Variants in ACSS3 observed in about 807,000 individuals in gnomAD.
ACSS3 encodes acyl-CoA synthetase short chain family member 3.
ACSS3 carries 64 observed loss-of-function variants against 84.2 expected under a neutral mutation model. The ratio of observed to expected loss-of-function variants is 0.76; its 90% CI spans 0.62 to 0.94. The LOEUF is 0.94. Among genes scored for constraint, ACSS3 ranks in the 40% least tolerant of loss-of-function variants. The pLI is 0.00. For synonymous variants in ACSS3, 317 were observed against 310.1 expected (o/e 1.02, Z -0.23); for missense variants, 815 against 867.6 (o/e 0.94, Z 0.76).
intron 15 of ACSS3, among the ~76,000 whole-genome samples, chr12:81,254,039 A>T (rs1055589645): frequency 6.6e-6 from 1 of 152,202 alleles, no homozygotes; most frequent in Non-Finnish European, 1.5e-5. Context: ...ATCCTCTCAC[A>T]TCAGTCTCAT....
At chr12:81,184,156 A>G (rs1753271260) in intron 8 of ACSS3, among the ~76,000 whole-genome samples, 1 of 152,030 alleles carries the variant, frequency 6.6e-6, no homozygotes, top group African/African-American at 2.4e-5. Flanking sequence ...TAGTTCACAA[A>G]TATGTGGAAA....
intron 11 of ACSS3, among the ~76,000 whole-genome samples, chr12:81,226,299 C>G (rs2033268372): frequency 6.7e-6 from 1 of 149,510 alleles, no homozygotes; most frequent in African/African-American, 2.4e-5. Context: ...CATAATATCT[C>G]TGATTTTCTT....
intron 1 of ACSS3, chr12:81,094,494 C>A (rs538845637): frequency 6.6e-6 from 1 of 152,238 alleles, no homozygotes; most frequent in South Asian, 2.1e-4. Context: ...TTTACAGAAA[C>A]AATCTTAGAA....
intron 9 of ACSS3, among the ~76,000 whole-genome samples, chr12:81,203,173 T>C (rs375097443): frequency 9.2e-5 from 14 of 151,894 alleles, no homozygotes; most frequent in African/African-American, 3.1e-4. Context: ...GAGCCTGGAG[T>C]TGTTGTCCAG....
Position 81,255,087 on chromosome 12 carries a change from C to A in ACSS3, c.*165C>A. The A allele has an allele frequency of 1.6e-6, 1 of 627,646 alleles. No individual in the cohort carries two copies. The highest frequency in any genetic ancestry group is 2.5e-6 in the Non-Finnish European group (1 of 393,834). The allele number at this position is 627,646 out of a possible 1,614,324, so 38.9% of individuals were successfully genotyped here. A position where few individuals can be genotyped will look rare whatever the true frequency, so the allele number is the denominator to read the frequency against. On this transcript the variant is annotated 3_prime_UTR_variant, in exon 16 of 16. Coordinates refer to ENST00000548058, the MANE Select transcript of ACSS3 (RefSeq NM_024560.4). ...AATCTAATGAAAACATGTGAAAGAC[C>A]TGTGCCTTTTTTTTGGTTTGACCCT...
At chr12:81,245,332 G>A (rs1053790495) in intron 13 of ACSS3, among the ~76,000 whole-genome samples, 6 of 152,150 alleles carry the variant, frequency 3.9e-5, no homozygotes, top group African/African-American at 9.7e-5. Flanking sequence ...CGTGGTGGTG[G>A]GCGACTGTAG....
intron 1 of ACSS3, among the ~76,000 whole-genome samples, chr12:81,097,479 T>C (rs1882152723): frequency 6.6e-6 from 1 of 152,238 alleles, no homozygotes; most frequent in African/African-American, 2.4e-5. Context: ...TGTTTGCCTC[T>C]AAAATTTTCC....
chr12:81,148,185 A>G (rs541531348), intron 5 of ACSS3, among the ~76,000 whole-genome samples: 15 of 152,096 alleles, frequency 9.9e-5, no homozygotes, highest in Non-Finnish European at 2.1e-4. Context: ...TATTTTTACA[A>G]TGAAGAATCC....
At chr12:81,126,641 G>A (rs1049043245) in intron 2 of ACSS3, among the ~76,000 whole-genome samples, 31 of 152,142 alleles carry the variant, frequency 2.0e-4, no homozygotes, top group African/African-American at 6.3e-4. Context: ...GGAAATACAG[G>A]ATTTAACTAA....
intron 1 of ACSS3, among the ~76,000 whole-genome samples, chr12:81,086,295 T>C (rs764757982): frequency 6.6e-6 from 1 of 152,206 alleles, no homozygotes; most frequent in Non-Finnish European, 1.5e-5. Context: ...TTTAAAAATA[T>C]TTTAAGAAGG....
chr12:81,225,662 A>G (rs964757757), intron 11 of ACSS3, among the ~76,000 whole-genome samples: 1 of 151,926 alleles, frequency 6.6e-6, no homozygotes, highest in Non-Finnish European at 1.5e-5. Flanking sequence ...ATCATTCACT[A>G]TCTTCCCTAT....
intron 2 of ACSS3, among the ~76,000 whole-genome samples, chr12:81,132,216 T>C (rs1356779525): frequency 2.0e-5 from 3 of 152,200 alleles, no homozygotes; most frequent in Non-Finnish European, 2.9e-5. Flanking sequence ...CAGCTCGTTT[T>C]TGTGCCTCTG....
intron 4 of ACSS3, among the ~76,000 whole-genome samples, chr12:81,140,281 A>T (rs1565999757): frequency 6.6e-6 from 1 of 152,244 alleles, no homozygotes. Context: ...ATCAATGAAT[A>T]CAATTTACCG....
chr12:81,187,296 A>G (rs1043413505), intron 8 of ACSS3, among the ~76,000 whole-genome samples: 4 of 151,846 alleles, frequency 2.6e-5, no homozygotes, highest in African/African-American at 9.7e-5. Flanking sequence ...CTAGAGATCT[A>G]GTGTACAACA....
chr12:81,171,007 ACTGAGAACATATAAG>A (rs1039841204), intron 7 of ACSS3, among the ~76,000 whole-genome samples: 11 of 152,152 alleles, frequency 7.2e-5, no homozygotes, highest in Non-Finnish European at 1.5e-5. Flanking sequence ...GGTGGTAGGT[ACTGAGAACATATAAG>A]TCCTCTGTTT....
chr12:81,241,152 A>G lies in ACSS3; in HGVS notation c.1719+7681A>G, dbSNP rs535779131. Among the ~76,000 whole-genome samples the G allele has an allele frequency of 4.9e-3, 749 of 152,196 alleles. 6 individuals carry two copies. Among genetic ancestry groups the G allele is most frequent in the African/African-American group, 0.017 (697 of 41,550 alleles). On this transcript the variant is annotated intron_variant, in intron 13 of 15. Coordinates refer to ENST00000548058, the MANE Select transcript of ACSS3 (RefSeq NM_024560.4). ...TTTCCAATTTCATCCATGTCTGTACAAAGGACATGAACTCATCATTTTTTA... is the reference window on the plus strand; with the variant it reads ...TTTCCAATTTCATCCATGTCTGTACGAAGGACATGAACTCATCATTTTTTA...
chr12:81,162,654 C>G (rs1887210621), intron 7 of ACSS3, among the ~76,000 whole-genome samples: 1 of 152,126 alleles, frequency 6.6e-6, no homozygotes, highest in Non-Finnish European at 1.5e-5. Context: ...CCCCTTTCCA[C>G]CCAGAAGCCT....
intron 8 of ACSS3, among the ~76,000 whole-genome samples, chr12:81,191,327 C>A (rs1352946421): frequency 6.6e-6 from 1 of 151,980 alleles, no homozygotes. Flanking sequence ...CACCTGTTAT[C>A]CCCCTCTTCC....
intron 11 of ACSS3, among the ~76,000 whole-genome samples, chr12:81,228,703 G>C (rs535691950): frequency 1.5e-3 from 222 of 151,678 alleles, no homozygotes; most frequent in Non-Finnish European, 1.3e-3. Flanking sequence ...CAGTCCTCTT[G>C]GTCCTATCTA....
Sources: gnomAD v4.1 joint callset for allele counts (sites outside exome capture counted in the v4.1 genomes callset) on GRCh38, gnomAD v4.1.1 for gene constraint, MANE v1.5 for transcripts, NCBI Gene and HGNC (gene_info 2026-07-23, HGNC 2026-07-21) for gene names.